PIWIL1: variants seen among roughly 807,000 people sequenced by gnomAD.
The protein encoded by PIWIL1 is piwi-like protein 1.
A neutral mutation model predicts 114.4 loss-of-function variants in PIWIL1; 73 were observed. The observed-to-expected ratio is 0.64, with a 90% CI of 0.53 to 0.78. The LOEUF is 0.78. Ranked by LOEUF, PIWIL1 falls within the 30% of genes least tolerant of loss-of-function variation. The probability of loss-of-function intolerance (pLI) is 0.00; values close to 1 mark genes in which losing one functional copy is unlikely to be tolerated. For synonymous variants in PIWIL1, 375 were observed against 369.0 expected, an observed-to-expected ratio of 1.02 and a Z score of -0.19; for missense variants, 723 against 1,063.1, an observed-to-expected ratio of 0.68 and a Z score of 4.45.
At chr12:130,415,446 A>C in the PIWIL1 span, among the ~76,000 whole-genome samples, 1 of 152,230 alleles carries the variant, frequency 6.6e-6, no homozygotes, top group Non-Finnish European at 1.5e-5. Context: ...AGCCAATATC[A>C]TATTGAACAG....
the PIWIL1 span, chr12:130,406,100 GCAAAA>G: frequency 2.5e-5 from 25 of 1,017,210 alleles, no homozygotes; most frequent in South Asian, 1.9e-4. Context: ...GAACGGACTA[GCAAAA>G]CAAAACACAC....
At chr12:130,352,680 A>G (rs1041520256) in intron 9 of PIWIL1, among the ~76,000 whole-genome samples, 8 of 152,196 alleles carry the variant, frequency 5.3e-5, no homozygotes, top group African/African-American at 1.9e-4. Flanking sequence ...TCAAATAAAT[A>G]AATGAATGAA....
At chr12:130,414,166 C>T in the PIWIL1 span, 9 of 1,614,082 alleles carry the variant, frequency 5.6e-6, no homozygotes, top group Non-Finnish European at 7.6e-6. Flanking sequence ...TCCTCCTCTG[C>T]AGCATCTGGG....
chr12:130,396,039 C>T, the PIWIL1 span: 8 of 147,272 alleles, frequency 5.4e-5, no homozygotes, highest in South Asian at 1.7e-3. Flanking sequence ...CTCCCAGAAA[C>T]GGTAAGGTTA....
intron 14 of PIWIL1, among the ~76,000 whole-genome samples, chr12:130,358,313 C>T (rs1306217766): frequency 2.6e-5 from 4 of 152,148 alleles, no homozygotes; most frequent in Admixed American, 2.6e-4. Context: ...ATTGTGGGGA[C>T]ATGCAGCAAG....
At chr12:130,370,898 G>A (rs987804273) in intron 19 of PIWIL1, among the ~76,000 whole-genome samples, 5 of 152,104 alleles carry the variant, frequency 3.3e-5, no homozygotes, top group Non-Finnish European at 5.9e-5. Context: ...CGTTTTTAGC[G>A]CCCGTAACAA....
chr12:130,347,713 T>C (rs1454495757), intron 6 of PIWIL1, among the ~76,000 whole-genome samples: 1 of 152,190 alleles, frequency 6.6e-6, no homozygotes, highest in African/African-American at 2.4e-5. Flanking sequence ...GGCAAACTTC[T>C]CTCTGCAAAG....
intron 19 of PIWIL1, among the ~76,000 whole-genome samples, chr12:130,369,186 C>G (rs1275477531): frequency 2.0e-5 from 3 of 152,132 alleles, no homozygotes. Context: ...CTGAGGATAA[C>G]GGCTTCCAGC....
downstream of PIWIL1, among the ~76,000 whole-genome samples, chr12:130,376,849 G>A (rs1011670252): frequency 6.6e-6 from 1 of 152,188 alleles, no homozygotes; most frequent in Non-Finnish European, 1.5e-5. Flanking sequence ...CCCATCTCAG[G>A]AACACAGAGT....
At chr12:130,343,429 CAAAT>C (rs2072981330) in intron 3 of PIWIL1, among the ~76,000 whole-genome samples, 1 of 152,134 alleles carries the variant, frequency 6.6e-6, no homozygotes, top group African/African-American at 2.4e-5. Context: ...CATGGGATAA[CAAAT>C]GAAGGCCCTG....
intron 11 of PIWIL1, 29 bp downstream of exon 11, chr12:130,355,034 T>G (rs769587472): frequency 5.0e-6 from 7 of 1,390,078 alleles, no homozygotes; most frequent in Non-Finnish European, 7.2e-6. Flanking sequence ...TGGGGCAGGG[T>G]TTCAGTTTTG....
chr12:130,405,314 G>A, the PIWIL1 span, among the ~76,000 whole-genome samples: 8 of 152,320 alleles, frequency 5.3e-5, no homozygotes, highest in Middle Eastern at 3.4e-3. Context: ...AGGCAGAGGA[G>A]AGAGCCTGGG....
At chr12:130,396,360 T>C in the PIWIL1 span, 2 of 152,648 alleles carry the variant, frequency 1.3e-5, no homozygotes, top group African/African-American at 4.8e-5. Context: ...CTGAAAAGTA[T>C]GTATAAAGAG....
the PIWIL1 span, among the ~76,000 whole-genome samples, chr12:130,413,698 T>C: frequency 7.0e-6 from 1 of 142,156 alleles, no homozygotes; most frequent in Non-Finnish European, 1.5e-5. Flanking sequence ...CTCCATCAGG[T>C]GTATTAAAGA....
the PIWIL1 span, chr12:130,422,622 G>A: frequency 1.6e-6 from 2 of 1,228,436 alleles, no homozygotes; most frequent in Non-Finnish European, 1.2e-6. The surrounding 1 kb of genome is among the most constrained non-coding windows in gnomAD (Gnocchi z 5.2). Flanking sequence ...GAAGAATTCA[G>A]TTAGCCAAAT....
At chr12:130,370,789 C>T (rs1354248321) in intron 19 of PIWIL1, among the ~76,000 whole-genome samples, 2 of 152,138 alleles carry the variant, frequency 1.3e-5, no homozygotes, top group Non-Finnish European at 2.9e-5. Flanking sequence ...GAAGCTCGAC[C>T]CACTCGCTGC....
At chr12:130,412,479 T>C in the PIWIL1 span, 9 of 812,030 alleles carry the variant, frequency 1.1e-5, no homozygotes, top group Non-Finnish European at 1.5e-5. Context: ...CCAAGAAAAA[T>C]CACTGGTCAA....
At chr12:130,416,646 T>C in the PIWIL1 span, among the ~76,000 whole-genome samples, 1 of 152,204 alleles carries the variant, frequency 6.6e-6, no homozygotes, top group Admixed American at 6.5e-5. Context: ...GGAAATACCA[T>C]TCTGGACATC....
chr12:130,347,133 A>T (rs1305005618), intron 6 of PIWIL1, 71 bp downstream of exon 6: 2 of 1,115,650 alleles, frequency 1.8e-6, no homozygotes, highest in Admixed American at 3.9e-5. Flanking sequence ...GAACATCTGC[A>T]TTCAGTTCTC....
Sources: allele counts gnomAD v4.1 joint callset (sites outside exome capture counted in the v4.1 genomes callset), GRCh38; gene constraint gnomAD v4.1.1; non-coding constraint Gnocchi (gnomAD v3.1); transcripts MANE v1.5; gene names NCBI Gene and HGNC (gene_info 2026-07-23, HGNC 2026-07-21).